GLP2R: variants seen among roughly 807,000 people sequenced by gnomAD.
GLP2R encodes glucagon-like peptide 2 receptor.
Under a neutral mutation model 68.2 loss-of-function variants are expected in GLP2R, and 59 were observed. The observed-to-expected ratio is 0.87, with a 90% CI of 0.70 to 1.07. GLP2R has a LOEUF of 1.07. Ranked by LOEUF, GLP2R falls within the 50% of genes least tolerant of loss-of-function variation. GLP2R has a pLI of 0.00. For synonymous variants in GLP2R, 270 were observed against 265.4 expected (o/e 1.02, Z -0.17); for missense variants, 548 against 677.4 (o/e 0.81, Z 2.12).
intron 10 of GLP2R, 64 bp from the exon 11 acceptor site, chr17:9,880,314 G>C (rs1002128138): frequency 5.9e-6 from 6 of 1,023,826 alleles, no homozygotes; most frequent in Non-Finnish European, 8.9e-6. Context: ...TGGCATGGAA[G>C]AGCAGGAAAT....
intron 10 of GLP2R, among the ~76,000 whole-genome samples, chr17:9,873,330 G>A (rs1241899124): frequency 6.6e-6 from 1 of 152,088 alleles, no homozygotes; most frequent in African/African-American, 2.4e-5. Context: ...TGGCACCTTC[G>A]CCATGCCCAA....
rs763646550 is a variant in GLP2R, at chr17:9,826,138, C to T, written c.75C>T (p.Pro25=). ...TCCTGCCTGGCGTCCACGAGCTGCC[C>T]ATGGGCATCCCTGCCCCCTGGGGGA... ...AGLLPGVHEL[P]MGIPAPWGTS... Residue 25 remains proline (P), a synonymous_variant, in exon 1 of 13, where the codon CCC becomes CCT. Coordinates refer to ENST00000262441, the MANE Select transcript of GLP2R (RefSeq NM_004246.3). 2.5e-6 allele frequency: 4 copies of T among 1,612,572 alleles called. No individual in the cohort carries two copies. The highest frequency in any genetic ancestry group is 1.7e-5 in the Admixed American group (1 of 59,850).
Position 9,890,098 on chromosome 17 carries a change from G to GA in GLP2R, c.*397dup, listed in dbSNP as rs1237749049. On this transcript the variant is annotated 3_prime_UTR_variant, in exon 13 of 13. Coordinates refer to ENST00000262441, the MANE Select transcript of GLP2R (RefSeq NM_004246.3). ...ATCTGAGGTTGGGTTTAGGGTGCGTGAAAACCTCCTAGGAAGCTTTTAAAA... is the reference window on the plus strand; with the variant it reads ...ATCTGAGGTTGGGTTTAGGGTGCGTGAAAAACCTCCTAGGAAGCTTTTAAAA... 2.2e-6 allele frequency: 1 copy of GA among 458,488 alleles called. No individual in the cohort carries two copies. Among genetic ancestry groups the GA allele is most frequent in the Non-Finnish European group, 4.4e-6 (1 of 228,658 alleles). The allele number at this position is 458,488 out of a possible 1,614,324, so 28.4% of individuals were successfully genotyped here.
chr17:9,888,168 G>A (rs1344859449), intron 12 of GLP2R, among the ~76,000 whole-genome samples, 195 bp downstream of exon 12: 2 of 152,164 alleles, frequency 1.3e-5, no homozygotes, highest in African/African-American at 2.4e-5. Context: ...AAAAGGTGTC[G>A]GGATGGGTAT....
intron 11 of GLP2R, among the ~76,000 whole-genome samples, chr17:9,881,450 G>C (rs957711886): frequency 1.4e-5 from 2 of 141,710 alleles, no homozygotes; most frequent in Non-Finnish European, 3.0e-5. Flanking sequence ...GCGGGATCTC[G>C]GCTCACTGCA....
chr17:9,863,615 A>C (rs868603783), intron 9 of GLP2R, among the ~76,000 whole-genome samples: 43 of 150,400 alleles, frequency 2.9e-4, no homozygotes, highest in African/African-American at 8.6e-4. Flanking sequence ...TCTGGCTCCA[A>C]CTCCTTCCCT....
intron 10 of GLP2R, among the ~76,000 whole-genome samples, chr17:9,878,136 A>G (rs917041013): frequency 2.6e-5 from 4 of 152,172 alleles, no homozygotes; most frequent in Admixed American, 2.6e-4. Context: ...GGGCCAAGCA[A>G]GTAACACAAT....
intron 10 of GLP2R, among the ~76,000 whole-genome samples, chr17:9,876,038 C>T (rs150097113): frequency 1.8e-4 from 28 of 152,240 alleles, no homozygotes; most frequent in African/African-American, 6.7e-4. Context: ...ACACCATGCC[C>T]GGTTAATTTT....
chr17:9,846,952 G>C (rs2152035530), intron 4 of GLP2R, among the ~76,000 whole-genome samples: 1 of 152,312 alleles, frequency 6.6e-6, no homozygotes, highest in East Asian at 1.9e-4. Context: ...CAGTGGTGTA[G>C]GTGTGTTAGT....
At chr17:9,879,287 AAAAT>A (rs1426724717) in intron 10 of GLP2R, among the ~76,000 whole-genome samples, 1,205 of 18,182 alleles carry the variant, frequency 0.066, 64 homozygotes, top group Middle Eastern at 0.11. Context: ...AAAATAAAAT[AAAAT>A]AAATAAAATA....
intron 4 of GLP2R, among the ~76,000 whole-genome samples, chr17:9,843,750 C>T (rs1422707228): frequency 6.6e-6 from 1 of 152,188 alleles, no homozygotes; most frequent in Non-Finnish European, 1.5e-5. Flanking sequence ...AGCGGAGGAA[C>T]AGGTGTTTGG....
chr17:9,857,831 C>T (rs1043636122), intron 6 of GLP2R, among the ~76,000 whole-genome samples: 20 of 152,182 alleles, frequency 1.3e-4, no homozygotes, highest in Admixed American at 6.5e-5. Context: ...CATGTGCAAA[C>T]AAAAGAATTG....
At chr17:9,868,457 G>C (rs1316492080) in intron 9 of GLP2R, among the ~76,000 whole-genome samples, 1 of 152,162 alleles carries the variant, frequency 6.6e-6, no homozygotes, top group Non-Finnish European at 1.5e-5. Context: ...AATGCATCTG[G>C]GATAGATCCT....
At position 9,889,401 on chromosome 17, in the gene GLP2R, G is replaced by A. The variant is rs368404871; in HGVS notation, c.1358G>A (p.Arg453His). 2.4e-5 allele frequency: 38 copies of A among 1,613,836 alleles called. No individual in the cohort carries two copies. Among genetic ancestry groups the A allele is most frequent in the Admixed American group, 1.3e-4 (8 of 60,032 alleles). The change falls in exon 13 of 13, where the codon CGC (arginine) becomes CAC (histidine). Residue 453 changes from arginine to histidine, a missense_variant. Physicochemically the swap from Arg to His is conservative, Grantham distance 29. Transcript: ENST00000262441. ...GCTGAGCTGCGGAAATACTGGGTCC[G>A]CTTCTTGCTAGCCCGCCACTCAGGC... ...VKAELRKYWV[R>H]FLLARHSGCR...
At chr17:9,861,653 G>A (rs2152040266) in intron 8 of GLP2R, among the ~76,000 whole-genome samples, 1 of 151,812 alleles carries the variant, frequency 6.6e-6, no homozygotes, top group Non-Finnish European at 1.5e-5. Flanking sequence ...ATTCTCAACA[G>A]CCTGTTTTAA....
At chr17:9,857,370 T>C in intron 5 of GLP2R, 53 bp from the exon 6 acceptor site, 1 of 1,568,482 alleles carries the variant, frequency 6.4e-7, no homozygotes. Flanking sequence ...AGAGGCCTGT[T>C]GGTTGGAGCC....
At chr17:9,880,263 G>C (rs2067183228) in intron 10 of GLP2R, 115 bp from the exon 11 acceptor site, 17 of 675,916 alleles carry the variant, frequency 2.5e-5, no homozygotes, top group Non-Finnish European at 4.1e-5. Flanking sequence ...GAGACCATCT[G>C]GGAAACAACT....
chr17:9,848,927 A>G (rs984579267), intron 4 of GLP2R, among the ~76,000 whole-genome samples: 20 of 151,250 alleles, frequency 1.3e-4, no homozygotes, highest in African/African-American at 4.9e-4. Flanking sequence ...GTGTGTTTAG[A>G]TGACTTAGTA....
At chr17:9,838,634 A>T (rs552636128) in intron 3 of GLP2R, among the ~76,000 whole-genome samples, 22 of 144,590 alleles carry the variant, frequency 1.5e-4, no homozygotes, top group Middle Eastern at 3.5e-3. Context: ...AAGCCTCTTT[A>T]AAAAAAAAAT....
Sources: gnomAD v4.1 joint callset for allele counts (sites outside exome capture counted in the v4.1 genomes callset) on GRCh38, gnomAD v4.1.1 for gene constraint, MANE v1.5 for transcripts, NCBI Gene and HGNC (gene_info 2026-07-23, HGNC 2026-07-21) for gene names.